Variants in VAV2 observed in about 807,000 individuals in gnomAD.
VAV2 encodes the protein guanine nucleotide exchange factor VAV2.
A neutral mutation model predicts 132.5 loss-of-function variants in VAV2; 67 were observed. The ratio of observed to expected loss-of-function variants is 0.51; its 90% CI spans 0.42 to 0.62. The LOEUF is 0.62. Ranked by LOEUF, VAV2 falls within the 20% of genes least tolerant of loss-of-function variation. The pLI, the probability that VAV2 is intolerant of heterozygous loss-of-function variation, is 0.00. For missense variants in VAV2, 938 were observed against 1,153.6 expected (o/e 0.81, Z 2.71); for synonymous variants, 492 against 443.5 (o/e 1.11, Z -1.37).
chr9:133,795,047 A>G (rs1834651563), intron 12 of VAV2, among the ~76,000 whole-genome samples: 1 of 152,228 alleles, frequency 6.6e-6, no homozygotes, highest in Non-Finnish European at 1.5e-5. Context: ...GGAGGGATCA[A>G]ACCTGCCTGG....
intron 9 of VAV2, among the ~76,000 whole-genome samples, chr9:133,800,060 T>A (rs559594770): frequency 6.6e-6 from 1 of 152,186 alleles, no homozygotes; most frequent in African/African-American, 2.4e-5. Context: ...GTTCTACCCA[T>A]GGGGACACTG....
chr9:133,774,854 C>T, intron 25 of VAV2, 81 bp downstream of exon 25: 5 of 1,280,806 alleles, frequency 3.9e-6, no homozygotes, highest in Non-Finnish European at 4.4e-6. Flanking sequence ...CCCACGAGCT[C>T]AGGACGTGGA....
At chr9:133,882,590 G>A (rs1037753196) in intron 2 of VAV2, among the ~76,000 whole-genome samples, 8 of 151,578 alleles carry the variant, frequency 5.3e-5, no homozygotes, top group Admixed American at 6.6e-5. Context: ...CCCCACCCCC[G>A]CGACCTCTGG....
intron 13 of VAV2, among the ~76,000 whole-genome samples, chr9:133,790,491 A>G (rs1388682918): frequency 2.6e-5 from 4 of 152,270 alleles, no homozygotes; most frequent in African/African-American, 9.6e-5. Context: ...TTGCTGTTTA[A>G]TGAACAAGTA....
intron 3 of VAV2, among the ~76,000 whole-genome samples, chr9:133,850,876 A>G (rs534194691): frequency 1.1e-4 from 17 of 152,312 alleles, no homozygotes; most frequent in South Asian, 1.0e-3. Flanking sequence ...GGATCAGCCA[A>G]TGGTGGGCAG....
intron 1 of VAV2, among the ~76,000 whole-genome samples, chr9:133,965,187 T>TA (rs529798168): frequency 4.5e-4 from 66 of 147,602 alleles, no homozygotes; most frequent in South Asian, 1.1e-3. Context: ...ACTAGCAGAA[T>TA]AAAAAAAAAA....
At chr9:133,882,879 C>A (rs866936519) in intron 2 of VAV2, among the ~76,000 whole-genome samples, 1 of 152,120 alleles carries the variant, frequency 6.6e-6, no homozygotes, top group Non-Finnish European at 1.5e-5. Flanking sequence ...GAGCAGGGGG[C>A]GACAGCTGAG....
At chr9:133,810,329 C>A in intron 5 of VAV2, 124 bp from the exon 6 acceptor site, 1 of 1,485,172 alleles carries the variant, frequency 6.7e-7, no homozygotes. Flanking sequence ...AAAGCCACAT[C>A]ACGGCCCCTC....
rs1426635415 is a variant in VAV2 at position 133,824,759 on chromosome 9, T to C, written c.449+9513A>G. 6.6e-6 allele frequency among the ~76,000 whole-genome samples: 1 copy of C among 152,100 alleles called. No homozygotes were observed. Among genetic ancestry groups the C allele is most frequent in the East Asian group, 1.9e-4 (1 of 5,166 alleles). On this transcript the variant is annotated intron_variant, in intron 4 of 29. Coordinates refer to ENST00000371850, the MANE Select transcript of VAV2 (RefSeq NM_001134398.2). The surrounding 1 kb of genome is among the most constrained non-coding windows in gnomAD (Gnocchi z 5.2). ...GGGTTAGGGAGGGGTGGTCTGACAA[T>C]GACCCTTGGAGAGACAGAGCTGGGC...
At chr9:133,831,123 A>T (rs1229271527) in intron 4 of VAV2, among the ~76,000 whole-genome samples, 1 of 152,104 alleles carries the variant, frequency 6.6e-6, no homozygotes, top group Non-Finnish European at 1.5e-5. Context: ...CACAATCAGG[A>T]CGGGCAGAGA....
At chr9:133,777,200 G>C (rs1420217550) in intron 23 of VAV2, among the ~76,000 whole-genome samples, 189 bp downstream of exon 23, 5 of 152,166 alleles carry the variant, frequency 3.3e-5, no homozygotes, top group East Asian at 1.9e-4. Context: ...AAACAGAGGA[G>C]AGCGTGCTGC....
chr9:133,872,124 A>T (rs1407016460), intron 2 of VAV2, among the ~76,000 whole-genome samples: 1 of 152,202 alleles, frequency 6.6e-6, no homozygotes, highest in East Asian at 1.9e-4. Flanking sequence ...GCCCCCAGAG[A>T]TGGCATAGCT....
At chr9:133,893,672 G>A (rs1437665871) in intron 2 of VAV2, among the ~76,000 whole-genome samples, 1 of 152,218 alleles carries the variant, frequency 6.6e-6, no homozygotes, top group East Asian at 1.9e-4. Context: ...AGGCCAGGAG[G>A]AGCCCAAGCC....
At chr9:133,796,293 A>C (rs1834710308) in intron 11 of VAV2, 136 bp downstream of exon 11, 1 of 679,956 alleles carries the variant, frequency 1.5e-6, no homozygotes, top group Non-Finnish European at 2.5e-6. Context: ...GGTGATTATG[A>C]GCTAAGCATG....
intron 4 of VAV2, among the ~76,000 whole-genome samples, chr9:133,831,808 C>T (rs1348733197): frequency 6.6e-6 from 1 of 152,240 alleles, no homozygotes; most frequent in Non-Finnish European, 1.5e-5. Context: ...GCTCCCCAGG[C>T]TCTGGGGGGC....
chr9:133,786,413 C>A (rs147631678), intron 16 of VAV2, among the ~76,000 whole-genome samples: 1 of 152,302 alleles, frequency 6.6e-6, no homozygotes, highest in East Asian at 1.9e-4. Context: ...CACACACATG[C>A]CTGGGCAGGT....
intron 3 of VAV2, among the ~76,000 whole-genome samples, chr9:133,860,961 G>T (rs977291195): frequency 2.0e-5 from 3 of 152,150 alleles, no homozygotes; most frequent in African/African-American, 7.2e-5. Flanking sequence ...CCCTGCACAG[G>T]GACCTGCAGC....
intron 3 of VAV2, among the ~76,000 whole-genome samples, chr9:133,858,146 T>C (rs1410337279): frequency 6.6e-6 from 1 of 152,352 alleles, no homozygotes; most frequent in Non-Finnish European, 1.5e-5. Flanking sequence ...GTCTGCCAGA[T>C]AGGCCCTCCG....
At chr9:133,798,986 CCATT>C (rs1834828216) in intron 9 of VAV2, among the ~76,000 whole-genome samples, 1 of 152,198 alleles carries the variant, frequency 6.6e-6, no homozygotes, top group African/African-American at 2.4e-5. Context: ...GGCCTCTGGG[CCATT>C]TCTCTTTCCA....
Sources: allele counts gnomAD v4.1 joint callset (sites outside exome capture counted in the v4.1 genomes callset), GRCh38; gene constraint gnomAD v4.1.1; non-coding constraint Gnocchi (gnomAD v3.1); transcripts MANE v1.5; gene names NCBI Gene and HGNC (gene_info 2026-07-23, HGNC 2026-07-21).